DHRSX: variants seen among roughly 807,000 people sequenced by gnomAD.
The protein encoded by DHRSX is dehydrogenase/reductase X-linked.
A neutral mutation model predicts 34.0 loss-of-function variants in DHRSX; 31 were observed. The ratio of observed to expected loss-of-function variants is 0.91; its 90% CI spans 0.69 to 1.23. The LOEUF (loss-of-function observed/expected upper bound fraction) is 1.23, where lower values mean the gene tolerates loss of function less well. Among genes scored for constraint, DHRSX ranks in the 50% most tolerant of loss-of-function variants. The pLI is 0.00. For missense variants in DHRSX, 414 were observed against 428.1 expected (o/e 0.97, Z 0.29); for synonymous variants, 201 against 183.8 (o/e 1.09, Z -0.76).
chrX:2,395,890 T>A (rs2043403314), intron 3 of DHRSX, among the ~76,000 whole-genome samples: 1 of 152,088 alleles, frequency 6.6e-6, no homozygotes, highest in African/African-American at 2.4e-5. Flanking sequence ...TCCTGCCCGA[T>A]CTATGTCTCT....
intron 3 of DHRSX, among the ~76,000 whole-genome samples, chrX:2,307,102 G>A (rs893293138): frequency 1.3e-5 from 2 of 151,980 alleles, no homozygotes; most frequent in Non-Finnish European, 2.9e-5. Flanking sequence ...TGTAGTTGCT[G>A]CATATATACC....
At chrX:2,428,546 C>T (rs2043877898) in intron 1 of DHRSX, among the ~76,000 whole-genome samples, 1 of 152,130 alleles carries the variant, frequency 6.6e-6, no homozygotes, top group Non-Finnish European at 1.5e-5. Flanking sequence ...CACATGTTCT[C>T]ACTCACAAGT....
chrX:2,465,827 G>GAAA lies in DHRSX; in HGVS notation c.109+34989_109+34990insTTT, dbSNP rs1478487140. On this transcript the variant is annotated intron_variant, in intron 1 of 6. Coordinates refer to ENST00000334651, the MANE Select transcript of DHRSX (RefSeq NM_145177.3). ...TCCATCGCAAAAAAAAAAAAAAAAA[G>GAAA]AGAAAAGAAAACAGACATATTCATG... Among the ~76,000 whole-genome samples, 1,019 of 134,196 alleles carry GAAA rather than the reference G, an allele frequency of 7.6e-3. 20 individuals carry two copies. The highest frequency in any genetic ancestry group is 0.027 in the African/African-American group (908 of 34,132). 88.0% of individuals were successfully genotyped at this position (134,196 alleles called of 152,430 possible).
In DHRSX at chrX:2,220,219, C is replaced by T. The variant is rs67508078; in HGVS notation, c.*822G>A. On this transcript the variant is annotated 3_prime_UTR_variant, in exon 7 of 7. Transcript: ENST00000334651. The stretch of plus-strand genomic sequence containing the variant: ...TCCAGTCTCTGTCTGCATCATCACA[C>T]GAATATCTTGTCTTCTGTACTCAAA... 131,939 of 152,098 alleles carry T rather than the reference C, an allele frequency of 0.87. 57,756 individuals carry two copies. The highest frequency in any genetic ancestry group is 0.96 in the African/African-American group (39,875 of 41,504). 9.4% of individuals were successfully genotyped at this position (152,098 alleles called of 1,614,324 possible).
chrX:2,338,877 T>A (rs1267899388), intron 3 of DHRSX, among the ~76,000 whole-genome samples: 1 of 152,070 alleles, frequency 6.6e-6, no homozygotes, highest in Non-Finnish European at 1.5e-5. Flanking sequence ...GGGGTATTTA[T>A]GTCACTAGTG....
chrX:2,371,673 C>T (rs866163823), intron 3 of DHRSX, among the ~76,000 whole-genome samples: 1 of 75,908 alleles, frequency 1.3e-5, no homozygotes, highest in South Asian at 3.5e-4. Flanking sequence ...CATAGTCCCT[C>T]CTCCTCCCAT....
chrX:2,450,855 A>T (rs2044207002), intron 1 of DHRSX, among the ~76,000 whole-genome samples: 1 of 151,986 alleles, frequency 6.6e-6, no homozygotes, highest in Non-Finnish European at 1.5e-5. Flanking sequence ...AAGACAATGG[A>T]GTCAGGAGGT....
In DHRSX at chrX:2,420,134, C is replaced by T. The variant is rs752518807; in HGVS notation, c.217+5063G>A. Among the ~76,000 whole-genome samples, 18 of 152,176 alleles carry T rather than the reference C, an allele frequency of 1.2e-4. No homozygotes were observed. The South Asian group carries it at 3.7e-3, about 32-fold the overall frequency. On this transcript the variant is annotated intron_variant, in intron 2 of 6. Coordinates refer to ENST00000334651, the MANE Select transcript of DHRSX (RefSeq NM_145177.3). ...AGTCTATTAAGAGAATGAGGCCGGG[C>T]GCAGTGGCTCACGCCTGTAATCCCA...
intron 4 of DHRSX, among the ~76,000 whole-genome samples, chrX:2,274,895 TATGTA>T (rs1285580318): frequency 6.6e-6 from 1 of 152,122 alleles, no homozygotes; most frequent in African/African-American, 2.4e-5. Flanking sequence ...TTCCTCTTCC[TATGTA>T]AGCAGAGCAT....
chrX:2,359,483 C>G (rs1031903972), intron 3 of DHRSX, among the ~76,000 whole-genome samples: 2 of 152,080 alleles, frequency 1.3e-5, no homozygotes, highest in Admixed American at 6.6e-5. Context: ...CGAGACCAGT[C>G]TGGCCAACAC....
intron 3 of DHRSX, among the ~76,000 whole-genome samples, chrX:2,351,673 G>A (rs2042790121): frequency 6.6e-6 from 1 of 152,332 alleles, no homozygotes; most frequent in South Asian, 2.1e-4. Flanking sequence ...TGCATTGGGA[G>A]TTGGCATCCT....
intron 3 of DHRSX, among the ~76,000 whole-genome samples, chrX:2,398,037 C>CCAACAGG (rs1262124397): frequency 6.6e-6 from 1 of 150,494 alleles, no homozygotes; most frequent in Non-Finnish European, 1.5e-5. Flanking sequence ...GATACATATG[C>CCAACAGG]CAACAGGCTG....
At chrX:2,337,387 T>A (rs2042582135) in intron 3 of DHRSX, among the ~76,000 whole-genome samples, 2 of 152,108 alleles carry the variant, frequency 1.3e-5, no homozygotes, top group Admixed American at 1.3e-4. Flanking sequence ...TCTCTTCAAT[T>A]CAGTGAGTGC....
At chrX:2,448,835 G>T (rs1194442043) in intron 1 of DHRSX, among the ~76,000 whole-genome samples, 2 of 152,054 alleles carry the variant, frequency 1.3e-5, no homozygotes, top group Non-Finnish European at 2.9e-5. Flanking sequence ...CAGTTTACAC[G>T]ACCATGACAC....
rs547090217 is a variant in DHRSX, at chrX:2,470,667, G to T, written c.109+30150C>A. 9.2e-4 allele frequency among the ~76,000 whole-genome samples: 140 copies of T among 152,224 alleles called. 1 individual carries two copies. The Middle Eastern group carries it at 0.02, about 22-fold the overall frequency. ...GGCTGCTGAGAGCTATGAACATGAT[G>T]CTGTACTCCAGCCTGGCTATAGGAT... On this transcript the variant is annotated intron_variant, in intron 1 of 6. Coordinates refer to ENST00000334651, the MANE Select transcript of DHRSX (RefSeq NM_145177.3).
intron 1 of DHRSX, among the ~76,000 whole-genome samples, chrX:2,429,754 A>G (rs1024215963): frequency 2.0e-5 from 3 of 151,984 alleles, no homozygotes; most frequent in Non-Finnish European, 4.4e-5. Flanking sequence ...GTCATTTAAC[A>G]TGCTACTGGA....
At chrX:2,382,770 A>T (rs1569495761) in intron 3 of DHRSX, among the ~76,000 whole-genome samples, 4 of 138,064 alleles carry the variant, frequency 2.9e-5, no homozygotes, top group South Asian at 5.0e-4. Flanking sequence ...CATCATCATC[A>T]TCACCATCAC....
At chrX:2,405,110 A>G (rs1212166910) in intron 3 of DHRSX, among the ~76,000 whole-genome samples, 1 of 151,644 alleles carries the variant, frequency 6.6e-6, no homozygotes, top group Non-Finnish European at 1.5e-5. Context: ...GTTTCACAGC[A>G]GCTTAGGGTA....
intron 1 of DHRSX, among the ~76,000 whole-genome samples, chrX:2,482,116 C>A (rs769331796): frequency 2.2e-4 from 32 of 145,634 alleles, no homozygotes; most frequent in African/African-American, 8.3e-4. Flanking sequence ...CACACGTGTG[C>A]CACCACGTCT....
Sources: allele counts gnomAD v4.1 joint callset (sites outside exome capture counted in the v4.1 genomes callset), GRCh38; gene constraint gnomAD v4.1.1; transcripts MANE v1.5; gene names NCBI Gene and HGNC (gene_info 2026-07-23, HGNC 2026-07-21).